Variants in L3MBTL4 observed in about 807,000 individuals in gnomAD.
L3MBTL4 encodes lethal(3)malignant brain tumor-like protein 4.
L3MBTL4 carries 70 observed loss-of-function variants against 84.5 expected under a neutral mutation model. The observed-to-expected ratio is 0.83, with a 90% CI of 0.68 to 1.01. The LOEUF (loss-of-function observed/expected upper bound fraction) is 1.01, where lower values mean the gene tolerates loss of function less well. Ranked by LOEUF, L3MBTL4 falls within the 50% of genes least tolerant of loss-of-function variation. The pLI is 0.00. For missense variants in L3MBTL4, 715 were observed against 754.8 expected (o/e 0.95, Z 0.62); for synonymous variants, 274 against 259.8 (o/e 1.05, Z -0.52).
chr18:6,143,958 G>A (rs1353567207), intron 13 of L3MBTL4, among the ~76,000 whole-genome samples: 2 of 152,094 alleles, frequency 1.3e-5, no homozygotes, highest in Admixed American at 6.5e-5. Flanking sequence ...AGCATTTTGG[G>A]AGGCCAAGGG....
chr18:6,338,928 T>C (rs1254164485), intron 1 of L3MBTL4, among the ~76,000 whole-genome samples: 1 of 152,166 alleles, frequency 6.6e-6, no homozygotes, highest in Non-Finnish European at 1.5e-5. Flanking sequence ...CTCATAAGTA[T>C]ATGAGGCAAT....
intron 17 of L3MBTL4, among the ~76,000 whole-genome samples, chr18:5,965,585 G>A (rs1023889973): frequency 1.3e-5 from 2 of 152,116 alleles, no homozygotes; most frequent in Non-Finnish European, 2.9e-5. Flanking sequence ...TTTTACTGTG[G>A]CCTCTCTAAG....
At chr18:6,135,852 C>T (rs2060012351) in intron 14 of L3MBTL4, among the ~76,000 whole-genome samples, 1 of 152,184 alleles carries the variant, frequency 6.6e-6, no homozygotes, top group South Asian at 2.1e-4. Flanking sequence ...TTGCTTGTAC[C>T]TTTTCAGCAG....
chr18:6,005,322 G>A (rs1242155160), intron 16 of L3MBTL4, among the ~76,000 whole-genome samples: 1 of 126,322 alleles, frequency 7.9e-6, no homozygotes, highest in Non-Finnish European at 1.8e-5. Context: ...CTCCAGCCTG[G>A]GCGACACAGT....
intron 12 of L3MBTL4, among the ~76,000 whole-genome samples, chr18:6,185,225 G>A (rs2044665937): frequency 6.6e-6 from 1 of 152,192 alleles, no homozygotes; most frequent in South Asian, 2.1e-4. Flanking sequence ...CAGAGGGAAG[G>A]CGGAGCCAGG....
intron 1 of L3MBTL4, among the ~76,000 whole-genome samples, chr18:6,368,152 C>G (rs2054010559): frequency 6.6e-6 from 1 of 152,102 alleles, no homozygotes; most frequent in African/African-American, 2.4e-5. Flanking sequence ...GTAGCGCCAT[C>G]TTCCCTTCAC....
At chr18:6,024,764 CT>C (rs976596847) in intron 16 of L3MBTL4, among the ~76,000 whole-genome samples, 1 of 151,948 alleles carries the variant, frequency 6.6e-6, no homozygotes, top group Admixed American at 6.6e-5. Flanking sequence ...ACAATGCTTC[CT>C]TTTTTTTCTA....
intron 14 of L3MBTL4, among the ~76,000 whole-genome samples, chr18:6,137,965 C>A (rs1321235538): frequency 1.3e-5 from 2 of 152,102 alleles, no homozygotes; most frequent in Admixed American, 1.3e-4. Flanking sequence ...AACAGAGATT[C>A]TGGGACATGA....
intron 1 of L3MBTL4, among the ~76,000 whole-genome samples, chr18:6,328,605 C>G (rs536267645): frequency 6.6e-6 from 1 of 152,332 alleles, no homozygotes; most frequent in Admixed American, 6.5e-5. Flanking sequence ...GAAATAAAAT[C>G]AAACTATTTT....
intron 15 of L3MBTL4, among the ~76,000 whole-genome samples, chr18:6,087,303 C>T (rs1180427964): frequency 1.6e-4 from 24 of 152,142 alleles, no homozygotes; most frequent in Admixed American, 1.6e-3. Flanking sequence ...TGGTATGGAA[C>T]AGTGAGGAGA....
chr18:6,173,414 T>A (rs1307505746), intron 12 of L3MBTL4, among the ~76,000 whole-genome samples: 1 of 152,032 alleles, frequency 6.6e-6, no homozygotes, highest in Non-Finnish European at 1.5e-5. Context: ...GAGACAGAGA[T>A]TGCAGATCAG....
At chr18:6,301,774 C>A (rs973347498) in intron 4 of L3MBTL4, 129 bp downstream of exon 4, 22 of 758,976 alleles carry the variant, frequency 2.9e-5, no homozygotes, top group Non-Finnish European at 4.0e-5. Flanking sequence ...ATGCAATACC[C>A]TGAATAAATG....
At chr18:5,956,501 G>A in intron 18 of L3MBTL4, 114 bp from the exon 19 acceptor site, 1 of 857,776 alleles carries the variant, frequency 1.2e-6, no homozygotes, top group South Asian at 1.6e-5. Flanking sequence ...CCTCCGTGTT[G>A]AGCTCACCAG....
At chr18:6,203,670 T>C (rs2045746439) in intron 12 of L3MBTL4, among the ~76,000 whole-genome samples, 1 of 152,050 alleles carries the variant, frequency 6.6e-6, no homozygotes, top group African/African-American at 2.4e-5. Flanking sequence ...AGCAAACAGG[T>C]ATTCCTTGCT....
chr18:6,345,917 A>C lies in L3MBTL4; in HGVS notation c.-90-33861T>G, dbSNP rs1355030240. On this transcript the variant is annotated intron_variant, in intron 1 of 18. Transcript: ENST00000317931. ...CTAGAGGCATCACAATTCCTATTTCAAATTACATTGCAAATCTATAATAAT... is the reference window on the plus strand; with the variant it reads ...CTAGAGGCATCACAATTCCTATTTCCAATTACATTGCAAATCTATAATAAT... Among the ~76,000 whole-genome samples the C allele has an allele frequency of 4.6e-5, 7 of 152,080 alleles. No individual in the cohort carries two copies. In the South Asian group the frequency reaches 8.3e-4, roughly 18 times the overall value.
chr18:6,174,443 T>C (rs944692564), intron 12 of L3MBTL4, among the ~76,000 whole-genome samples: 1 of 152,152 alleles, frequency 6.6e-6, no homozygotes, highest in African/African-American at 2.4e-5. Context: ...TAGAAGTCAA[T>C]AGCAAAATAT....
At chr18:6,392,928 A>G (rs528384562) in intron 1 of L3MBTL4, among the ~76,000 whole-genome samples, 1 of 152,282 alleles carries the variant, frequency 6.6e-6, no homozygotes, top group African/African-American at 2.4e-5. Context: ...AGAAGTGGGG[A>G]GAGTAGGAAG....
At chr18:6,307,133 T>C (rs927132473) in intron 3 of L3MBTL4, among the ~76,000 whole-genome samples, 14 of 152,214 alleles carry the variant, frequency 9.2e-5, no homozygotes, top group South Asian at 2.1e-4. Flanking sequence ...TAGATGTTAA[T>C]ATATTAAAAA....
chr18:6,044,355 G>C (rs977078696), intron 16 of L3MBTL4, among the ~76,000 whole-genome samples: 1 of 152,212 alleles, frequency 6.6e-6, no homozygotes, highest in Non-Finnish European at 1.5e-5. Flanking sequence ...ATTTGAGTCT[G>C]TGTTCATGCC....
Sources: gnomAD v4.1 joint callset for allele counts (sites outside exome capture counted in the v4.1 genomes callset) on GRCh38, gnomAD v4.1.1 for gene constraint, MANE v1.5 for transcripts, NCBI Gene and HGNC (gene_info 2026-07-23, HGNC 2026-07-21) for gene names.